RREB1: variants seen among roughly 807,000 people sequenced by gnomAD.
RREB1 encodes ras-responsive element-binding protein 1.
A neutral mutation model predicts 117.8 loss-of-function variants in RREB1; 27 were observed. That is an observed-to-expected ratio of 0.23 (90% CI 0.17 to 0.32). RREB1 has a LOEUF of 0.32. Among genes scored for constraint, RREB1 ranks in the 10% least tolerant of loss-of-function variants. The pLI is 1.00. For synonymous variants in RREB1, 1,298 were observed against 1,026.7 expected, an observed-to-expected ratio of 1.26 and a Z score of -5.05; for missense variants, 2,577 against 2,378.2, an observed-to-expected ratio of 1.08 and a Z score of -1.74.
rs112843464 is a variant in RREB1, at chr6:7,151,136, A to G, written c.-284-25519A>G. ...ACTGCGGAAATTTGTTGGGTGGTTC[A>G]TTGTTTGTTTTAAAAGCTTTGCCCC... On this transcript the variant is annotated intron_variant, in intron 1 of 12. Transcript: ENST00000379938. Among the ~76,000 whole-genome samples, 889 of 152,292 alleles carry G rather than the reference A, an allele frequency of 5.8e-3. 9 individuals are homozygous for G. Among genetic ancestry groups the G allele is most frequent in the African/African-American group, 0.02 (819 of 41,548 alleles).
rs555829212 is a variant in RREB1, at chr6:7,149,550, T to C, written c.-284-27105T>C. Reference sequence around the variant, plus strand: ...AGTTTGTCTTCATTTTACCCAGTGTTCTTCCACAATTCATGTCTGTGCCCA... The same window carrying C: ...AGTTTGTCTTCATTTTACCCAGTGTCCTTCCACAATTCATGTCTGTGCCCA... On this transcript the variant is annotated intron_variant, in intron 1 of 12. Coordinates refer to ENST00000379938, the MANE Select transcript of RREB1 (RefSeq NM_001003699.4). Among the ~76,000 whole-genome samples the C allele has an allele frequency of 4.8e-4, 73 of 152,360 alleles. 1 individual carries two copies. In the South Asian group the frequency reaches 0.014, roughly 29 times the overall value.
At chr6:7,121,293 T>G (rs1312337803) in intron 1 of RREB1, among the ~76,000 whole-genome samples, 1 of 152,146 alleles carries the variant, frequency 6.6e-6, no homozygotes, top group Non-Finnish European at 1.5e-5. Flanking sequence ...GAAGTGTGTT[T>G]TAGCGATGCT....
At chr6:7,214,309 T>G (rs1766780646) in intron 8 of RREB1, 1 of 152,256 alleles carries the variant, frequency 6.6e-6, no homozygotes, top group Admixed American at 6.5e-5. Flanking sequence ...AGGGGTTGGC[T>G]TAACAATTTT....
At chr6:7,218,855 C>T (rs1187645059) in intron 8 of RREB1, 1 of 148,150 alleles carries the variant, frequency 6.7e-6, no homozygotes, top group Admixed American at 6.7e-5. Flanking sequence ...AAAGGATATC[C>T]TGTCTTCTTC....
At position 7,229,649 on chromosome 6, in the gene RREB1, C is replaced by A. The variant is rs1413099895; in HGVS notation, c.1550C>A (p.Thr517Lys). The A allele has an allele frequency of 6.2e-7, 1 of 1,612,390 alleles. No homozygotes were observed. Among genetic ancestry groups the A allele is most frequent in the South Asian group, 1.1e-5 (1 of 90,920 alleles). The stretch of plus-strand genomic sequence containing the variant: ...CCAAAGCCCCTGGTCACACCACGGA[C>A]GGTGGTGGCCACCTCCACGCCCCCG... Reference protein sequence around the residue: ...LKPKPLVTPRTVVATSTPPPL... With the variant: ...LKPKPLVTPRKVVATSTPPPL... Residue 517 changes from threonine (T) to lysine (K), a missense_variant, in exon 10 of 13, where the codon ACG becomes AAG. Transcript: ENST00000379938. The surrounding 1 kb of genome is among the most constrained non-coding windows in gnomAD (Gnocchi z 4.5).
intron 10 of RREB1, 105 bp downstream of exon 10, chr6:7,232,012 C>T: frequency 8.1e-7 from 1 of 1,227,312 alleles, no homozygotes; most frequent in Admixed American, 2.5e-5. Context: ...TCCAGTTATT[C>T]CTAGCTTGGC....
chr6:7,110,919 C>G (rs1286026023), intron 1 of RREB1, among the ~76,000 whole-genome samples: 1 of 152,148 alleles, frequency 6.6e-6, no homozygotes, highest in Non-Finnish European at 1.5e-5. Context: ...GACTCTAAGC[C>G]CTTATGGCAG....
At chr6:7,160,519 C>CT (rs971548142) in intron 1 of RREB1, among the ~76,000 whole-genome samples, 1 of 151,650 alleles carries the variant, frequency 6.6e-6, no homozygotes, top group Admixed American at 6.6e-5. Flanking sequence ...CACACATTGA[C>CT]TTTTTTTTGA....
At position 7,173,300 on chromosome 6, in the gene RREB1, T is replaced by G. The variant is rs530214062; in HGVS notation, c.-284-3355T>G. ...GGAGGCTGGGGCGGTTTGGATCACC[T>G]TAGGTCAGGAGTTCGAGACCACCCT... On this transcript the variant is annotated intron_variant, in intron 1 of 12. Transcript: ENST00000379938. Among the ~76,000 whole-genome samples, 5 of 152,052 alleles carry G rather than the reference T, an allele frequency of 3.3e-5. No homozygotes were observed. The South Asian group carries it at 1.0e-3, about 32-fold the overall frequency.
intron 5 of RREB1, among the ~76,000 whole-genome samples, chr6:7,187,891 C>T (rs1278778949): frequency 1.3e-5 from 2 of 152,172 alleles, no homozygotes; most frequent in African/African-American, 4.8e-5. Flanking sequence ...TGCAGTGGCT[C>T]ATGCCTGTAA....
At position 7,231,441 on chromosome 6, in the gene RREB1, CGCCACCCCCGCT is replaced by C. The variant is rs1561798832; in HGVS notation, c.3349_3360del (p.Pro1117_Thr1120del). The C allele has an allele frequency of 1.9e-6, 3 of 1,613,112 alleles. No individual in the cohort carries two copies. Among genetic ancestry groups the C allele is most frequent in the African/African-American group, 1.3e-5 (1 of 75,014 alleles). On this transcript the variant is annotated inframe_deletion, in exon 10 of 13. Coordinates refer to ENST00000379938, the MANE Select transcript of RREB1 (RefSeq NM_001003699.4). ...GTTCTGTCCCCAAAGCCGCCACCAC[CGCCACCCCCGCT>C]GCCACCACCAGCCCAAAAGAGTCTA...
chr6:7,127,292 G>C (rs1305800670), intron 1 of RREB1, among the ~76,000 whole-genome samples: 8 of 152,114 alleles, frequency 5.3e-5, no homozygotes, highest in Non-Finnish European at 1.0e-4. Flanking sequence ...TTAAGTCGGA[G>C]AGAAGACAAG....
intron 1 of RREB1, among the ~76,000 whole-genome samples, chr6:7,109,253 C>A (rs902029214): frequency 3.3e-5 from 5 of 151,930 alleles, no homozygotes; most frequent in Non-Finnish European, 1.5e-5. Context: ...CTGTTGCTGC[C>A]CCCCCCGCCC....
intron 5 of RREB1, among the ~76,000 whole-genome samples, chr6:7,188,250 TGTGC>T (rs929540505): frequency 4.9e-4 from 72 of 146,322 alleles, no homozygotes; most frequent in Middle Eastern, 3.6e-3. Flanking sequence ...TGTGTGTGTG[TGTGC>T]GCGCGCGCAC....
intron 6 of RREB1, among the ~76,000 whole-genome samples, chr6:7,201,934 A>G (rs1234598015): frequency 6.6e-6 from 1 of 152,200 alleles, no homozygotes; most frequent in Non-Finnish European, 1.5e-5. Flanking sequence ...AACAGAGGCC[A>G]TGTGTGCACC....
intron 1 of RREB1, among the ~76,000 whole-genome samples, chr6:7,127,744 G>A (rs1054039666): frequency 2.0e-5 from 3 of 152,166 alleles, no homozygotes; most frequent in East Asian, 1.9e-4. Context: ...GGCTGGCAGC[G>A]TCTGGTGGAA....
At chr6:7,130,566 C>G (rs989091347) in intron 1 of RREB1, among the ~76,000 whole-genome samples, 1 of 152,004 alleles carries the variant, frequency 6.6e-6, no homozygotes, top group Non-Finnish European at 1.5e-5. Context: ...ATGGGGTTCA[C>G]TAGTGAAAGC....
intron 10 of RREB1, among the ~76,000 whole-genome samples, chr6:7,239,267 C>T (rs2113159758): frequency 6.6e-6 from 1 of 152,332 alleles, no homozygotes; most frequent in South Asian, 2.1e-4. Flanking sequence ...TTGGTTAACA[C>T]ACAAAACCTT....
At chr6:7,130,371 C>T (rs1282267848) in intron 1 of RREB1, among the ~76,000 whole-genome samples, 1 of 152,166 alleles carries the variant, frequency 6.6e-6, no homozygotes, top group Non-Finnish European at 1.5e-5. Context: ...CCATAATCCA[C>T]GCGCTCTGGA....
Sources: gnomAD v4.1 joint callset for allele counts (sites outside exome capture counted in the v4.1 genomes callset) on GRCh38, gnomAD v4.1.1 for gene constraint, Gnocchi (gnomAD v3.1) non-coding constraint, MANE v1.5 for transcripts, NCBI Gene and HGNC (gene_info 2026-07-23, HGNC 2026-07-21) for gene names.